Variants in NTPCR observed in about 807,000 individuals in gnomAD.
NTPCR encodes the protein nucleoside-triphosphatase, cancer-related.
Under a neutral mutation model 19.5 loss-of-function variants are expected in NTPCR, and 15 were observed. That is an observed-to-expected ratio of 0.77 (90% CI 0.51 to 1.18). The LOEUF (loss-of-function observed/expected upper bound fraction) is 1.18, where lower values mean the gene tolerates loss of function less well. NTPCR is among the 50% of genes most tolerant of loss of function. The probability of loss-of-function intolerance (pLI) is 0.00; values close to 1 mark genes in which losing one functional copy is unlikely to be tolerated. For missense variants in NTPCR, 206 were observed against 240.4 expected (o/e 0.86, Z 0.95); for synonymous variants, 90 against 95.8 (o/e 0.94, Z 0.36).
chr1:232,955,936 A>G (rs760793539), intron 2 of NTPCR, among the ~76,000 whole-genome samples: 4 of 152,176 alleles, frequency 2.6e-5, no homozygotes, highest in Non-Finnish European at 4.4e-5. Context: ...GCCTTTAGGG[A>G]TTTCTCAGAG....
In NTPCR at chr1:232,956,332, T is replaced by G. The variant is rs779648800; in HGVS notation, c.198-15T>G. 1.9e-6 allele frequency: 3 copies of G among 1,596,030 alleles called. No homozygotes were observed. Among genetic ancestry groups the G allele is most frequent in the Non-Finnish European group, 1.7e-6 (2 of 1,163,702 alleles). ...AGGAGTTTTTCAACAAAGAACATAA[T>G]GTCTTTTCCTTCAGGTTAGAGCCTC... On this transcript the variant is annotated splice_polypyrimidine_tract_variant and intron_variant, in intron 2 of 4. Coordinates refer to ENST00000366628, the MANE Select transcript of NTPCR (RefSeq NM_032324.3).
intron 4 of NTPCR, among the ~76,000 whole-genome samples, chr1:232,971,795 T>A (rs6682951): frequency 0.21 from 32,648 of 152,106 alleles, 3,520 homozygotes; most frequent in African/African-American, 0.24. Context: ...GAAGGTCTCT[T>A]CAAGGAGGTG....
At position 232,976,548 on chromosome 1, in the gene NTPCR, T is replaced by C. The variant is rs534014411; in HGVS notation, c.505-1615T>C. On this transcript the variant is annotated intron_variant, in intron 4 of 4. Coordinates refer to ENST00000366628, the MANE Select transcript of NTPCR (RefSeq NM_032324.3). ...GAATGCAAACAACAGGAATGGACTT[T>C]GGCTAACTTAAGTGAAAACAGCATC... 35 of 1,501,872 alleles carry C rather than the reference T, an allele frequency of 2.3e-5. No homozygotes were observed. The African/African-American group carries it at 4.7e-4, about 20-fold the overall frequency. The allele number at this position is 1,501,872 out of a possible 1,614,324, so 93.0% of individuals were successfully genotyped here. A position where few individuals can be genotyped will look rare whatever the true frequency, so the allele number is the denominator to read the frequency against.
intron 3 of NTPCR, chr1:232,962,641 A>C (rs770928107): frequency 7.2e-5 from 11 of 152,214 alleles, no homozygotes; most frequent in Non-Finnish European, 1.6e-4. Context: ...AAGGACATCT[A>C]CTCAAAGCCC....
intron 4 of NTPCR, among the ~76,000 whole-genome samples, chr1:232,971,498 C>T (rs1331912673): frequency 1.3e-5 from 2 of 152,032 alleles, no homozygotes; most frequent in Non-Finnish European, 2.9e-5. Flanking sequence ...GTTAGACCAG[C>T]CAGACTTGGA....
chr1:232,950,828 G>T (rs941161843), intron 1 of NTPCR, 84 bp downstream of exon 1: 1 of 892,212 alleles, frequency 1.1e-6, no homozygotes, highest in Non-Finnish European at 1.7e-6. Context: ...TGTCGGGGAG[G>T]GTCTCCGGCT....
chr1:232,951,710 A>G (rs1304350649), intron 1 of NTPCR, among the ~76,000 whole-genome samples: 1 of 152,178 alleles, frequency 6.6e-6, no homozygotes, highest in Non-Finnish European at 1.5e-5. Context: ...GTAAGTAGCA[A>G]AGGCTACAGC....
At position 232,950,668 on chromosome 1, in the gene NTPCR, T is replaced by C; in HGVS notation, c.-43T>C. 1 of 1,562,468 alleles carries C rather than the reference T, an allele frequency of 6.4e-7. No individual in the cohort carries two copies. The highest frequency in any genetic ancestry group is 8.8e-7 in the Non-Finnish European group (1 of 1,134,554). On this transcript the variant is annotated 5_prime_UTR_variant, in exon 1 of 5. Coordinates refer to ENST00000366628, the MANE Select transcript of NTPCR (RefSeq NM_032324.3). The stretch of plus-strand genomic sequence containing the variant: ...CCTGACCTGAATTGCGACCCCAACC[T>C]GGACTGCTCCCCTGACCGCAACCCC...
At chr1:232,960,974 G>A (rs1668655467) in intron 3 of NTPCR, among the ~76,000 whole-genome samples, 1 of 152,130 alleles carries the variant, frequency 6.6e-6, no homozygotes, top group African/African-American at 2.4e-5. Flanking sequence ...TGCCCCTTTT[G>A]TATACCTGGT....
chr1:232,976,254 T>TTAAA, intron 4 of NTPCR: 3 of 1,403,534 alleles, frequency 2.1e-6, no homozygotes, highest in Non-Finnish European at 1.9e-6. Flanking sequence ...ATCTGTCACT[T>TTAAA]TAAATTATCA....
chr1:232,979,198 C>G lies in NTPCR; in HGVS notation c.*967C>G, dbSNP rs1306577447. ...ACTGATAGAGGATAAAAACTTCCCT[C>G]CAAGTGGTAGATGGTACTGGAGTGA... On this transcript the variant is annotated 3_prime_UTR_variant, in exon 5 of 5. Coordinates refer to ENST00000366628, the MANE Select transcript of NTPCR (RefSeq NM_032324.3). This position sits in a 1 kb window ranked among gnomAD's most constrained non-coding sequence, Gnocchi z 5.3. 2 of 152,142 alleles carry G rather than the reference C, an allele frequency of 1.3e-5. No homozygotes were observed. The highest frequency in any genetic ancestry group is 4.8e-5 in the African/African-American group (2 of 41,430). The allele number at this position is 152,142 out of a possible 1,614,324, so 9.4% of individuals were successfully genotyped here.
intron 4 of NTPCR, among the ~76,000 whole-genome samples, chr1:232,972,879 G>C (rs148457525): frequency 6.6e-6 from 1 of 152,324 alleles, no homozygotes; most frequent in African/African-American, 2.4e-5. Context: ...GCACCTGTGA[G>C]GCATGATCTC....
chr1:232,959,282 C>T (rs571060878), intron 3 of NTPCR, among the ~76,000 whole-genome samples: 7 of 152,300 alleles, frequency 4.6e-5, no homozygotes, highest in South Asian at 2.1e-4. Context: ...CTCTCTCTCC[C>T]GCCGCCACGT....
intron 4 of NTPCR, chr1:232,976,398 C>T (rs1426695218): frequency 1.3e-6 from 2 of 1,550,332 alleles, no homozygotes; most frequent in African/African-American, 1.4e-5. Flanking sequence ...TATCACAGTC[C>T]ACTCTCACAG....
At chr1:232,960,180 T>G (rs1267176102) in intron 3 of NTPCR, among the ~76,000 whole-genome samples, 2 of 134,364 alleles carry the variant, frequency 1.5e-5, no homozygotes, top group Admixed American at 1.6e-4. Context: ...CACCATTGCA[T>G]TCCAGCCTGG....
rs776998757 is a variant in NTPCR at position 232,970,067 on chromosome 1, A to C, written c.453A>C (p.Pro151=). The change falls in exon 4 of 5, where the codon CCA becomes CCC. Residue 151 remains proline (P), a synonymous_variant. Transcript: ENST00000366628. ...CAATCCCAGTTCCTAAAGGAAAGCC[A>C]CTGGCTCTTGTAGAAGAAATCAGAA... The part of the protein sequence containing the change: ...LGTIPVPKGK[P]LALVEEIRNR... 1.3e-5 allele frequency: 21 copies of C among 1,614,076 alleles called. No homozygotes were observed. The East Asian group carries it at 4.7e-4, about 36-fold the overall frequency.
chr1:232,955,719 G>C lies in NTPCR; in HGVS notation c.197G>C (p.Gly66Ala). 1 of 1,613,238 alleles carries C rather than the reference G, an allele frequency of 6.2e-7. No homozygotes were observed. Among genetic ancestry groups the C allele is most frequent in the Non-Finnish European group, 8.5e-7 (1 of 1,179,556 alleles). The change falls in exon 2 of 5, where the codon GGG becomes GCG. Residue 66 changes from glycine to alanine, a missense_variant and splice_region_variant. Gly to Ala is a moderately conservative substitution (Grantham distance 60, BLOSUM62 0). Transcript: ENST00000366628. Reference protein sequence around the residue: ...SGTRGPLSRVGLEPPPGKREC... With the variant: ...SGTRGPLSRVALEPPPGKREC... ...ACCCGGGGGCCTTTATCGAGAGTTG[G>C]GTACTGATATTTCATTTCTGTGGTG...
At chr1:232,976,679 C>A in intron 4 of NTPCR, 1 of 1,158,412 alleles carries the variant, frequency 8.6e-7, no homozygotes, top group Non-Finnish European at 1.2e-6. Context: ...CAGCCAGGAC[C>A]AGTAGAAATG....
chr1:232,981,655 T>C lies in NTPCR; in HGVS notation c.*3424T>C, dbSNP rs925691491. 4 of 151,868 alleles carry C rather than the reference T, an allele frequency of 2.6e-5. No homozygotes were observed. The highest frequency in any genetic ancestry group is 9.7e-5 in the African/African-American group (4 of 41,352). The allele number at this position is 151,868 out of a possible 1,614,324, so 9.4% of individuals were successfully genotyped here. A position where few individuals can be genotyped will look rare whatever the true frequency, so the allele number is the denominator to read the frequency against. On this transcript the variant is annotated 3_prime_UTR_variant, in exon 5 of 5. Coordinates refer to ENST00000366628, the MANE Select transcript of NTPCR (RefSeq NM_032324.3). The stretch of plus-strand genomic sequence containing the variant: ...GCCACATGATTTATATAAAACCAAG[T>C]GCTATGGTTTTAATATTATCTTTAG...
Sources: allele counts gnomAD v4.1 joint callset (sites outside exome capture counted in the v4.1 genomes callset), GRCh38; gene constraint gnomAD v4.1.1; non-coding constraint Gnocchi (gnomAD v3.1); transcripts MANE v1.5; gene names NCBI Gene and HGNC (gene_info 2026-07-23, HGNC 2026-07-21).